Variants in SNTG1 observed in about 807,000 individuals in gnomAD.
SNTG1 encodes the protein gamma-1-syntrophin.
In SNTG1, 39 loss-of-function variants were observed where a neutral mutation model predicts 74.7. That is an observed-to-expected ratio of 0.52 (90% CI 0.40 to 0.68). The LOEUF (loss-of-function observed/expected upper bound fraction) is 0.68, where lower values mean the gene tolerates loss of function less well. Ranked by LOEUF, SNTG1 falls within the 30% of genes least tolerant of loss-of-function variation. The pLI, the probability that SNTG1 is intolerant of heterozygous loss-of-function variation, is 0.00. For synonymous variants in SNTG1, 254 were observed against 217.1 expected (o/e 1.17, Z -1.49); for missense variants, 685 against 609.5 (o/e 1.12, Z -1.30).
chr8:50,694,801 G>A (rs73569489), intron 15 of SNTG1, among the ~76,000 whole-genome samples: 4,902 of 151,316 alleles, frequency 0.032, 258 homozygotes, highest in African/African-American at 0.11. Context: ...AATGGGATAC[G>A]CCACATTAAT....
At chr8:50,188,909 T>G (rs2083472773) in intron 2 of SNTG1, among the ~76,000 whole-genome samples, 1 of 152,128 alleles carries the variant, frequency 6.6e-6, no homozygotes, top group Non-Finnish European at 1.5e-5. Context: ...TGAGGTGTAC[T>G]CTATCATGAA....
intron 1 of SNTG1, among the ~76,000 whole-genome samples, chr8:50,165,436 T>A (rs2082578353): frequency 1.3e-5 from 2 of 152,240 alleles, no homozygotes; most frequent in Admixed American, 1.3e-4. Flanking sequence ...CCAAAAATTA[T>A]TTTGTGTCCT....
intron 11 of SNTG1, among the ~76,000 whole-genome samples, chr8:50,550,268 G>C (rs925823503): frequency 6.6e-6 from 1 of 152,058 alleles, no homozygotes; most frequent in African/African-American, 2.4e-5. Context: ...TTTCCATGGG[G>C]AGCTTCCAGA....
chr8:50,498,548 CTT>C (rs2093923933), intron 8 of SNTG1, among the ~76,000 whole-genome samples: 1 of 151,824 alleles, frequency 6.6e-6, no homozygotes, highest in South Asian at 2.1e-4. Flanking sequence ...AAGTTTGTGA[CTT>C]TCTTAAAAGT....
At chr8:50,347,722 C>A (rs1462493624) in intron 2 of SNTG1, among the ~76,000 whole-genome samples, 1 of 152,138 alleles carries the variant, frequency 6.6e-6, no homozygotes, top group African/African-American at 2.4e-5. Flanking sequence ...GTGGTTGATC[C>A]ATAGTAGGTG....
chr8:50,567,945 C>A (rs1377925889), intron 12 of SNTG1, among the ~76,000 whole-genome samples: 1 of 152,022 alleles, frequency 6.6e-6, no homozygotes, highest in Non-Finnish European at 1.5e-5. Context: ...AGCACCATAT[C>A]ATTCTTCCTT....
At chr8:50,617,278 G>T (rs546868293) in intron 13 of SNTG1, among the ~76,000 whole-genome samples, 1 of 151,782 alleles carries the variant, frequency 6.6e-6, no homozygotes, top group Non-Finnish European at 1.5e-5. Flanking sequence ...ACTGTGCTTT[G>T]CATTTTTTCA....
intron 4 of SNTG1, among the ~76,000 whole-genome samples, chr8:50,419,136 T>C (rs985577895): frequency 2.0e-5 from 3 of 152,124 alleles, no homozygotes; most frequent in Non-Finnish European, 4.4e-5. Flanking sequence ...ATATCCCAGA[T>C]TGGTTACAGG....
At chr8:50,177,577 A>T (rs1040372499) in intron 2 of SNTG1, among the ~76,000 whole-genome samples, 1 of 152,226 alleles carries the variant, frequency 6.6e-6, no homozygotes, top group Admixed American at 6.5e-5. Flanking sequence ...GGTTACAGCC[A>T]GCAAAAAGCA....
At chr8:50,453,385 C>G (rs868597681) in intron 8 of SNTG1, among the ~76,000 whole-genome samples, 4 of 152,080 alleles carry the variant, frequency 2.6e-5, no homozygotes, top group Admixed American at 1.3e-4. Context: ...GGCTTCACCA[C>G]ATCACCCACT....
At chr8:50,312,499 C>A (rs2090153224) in intron 2 of SNTG1, among the ~76,000 whole-genome samples, 1 of 150,558 alleles carries the variant, frequency 6.6e-6, no homozygotes, top group Non-Finnish European at 1.5e-5. Flanking sequence ...AATTGAAAAT[C>A]CAAGCAGTAG....
intron 13 of SNTG1, among the ~76,000 whole-genome samples, chr8:50,635,813 A>G (rs1475546379): frequency 6.6e-6 from 1 of 152,100 alleles, no homozygotes; most frequent in Non-Finnish European, 1.5e-5. Flanking sequence ...AAAAGCTGTA[A>G]GACAAAGTCC....
chr8:50,013,982 C>A (rs2130603725), intron 1 of SNTG1, among the ~76,000 whole-genome samples: 1 of 152,190 alleles, frequency 6.6e-6, no homozygotes, highest in South Asian at 2.1e-4. Context: ...AACTAAATAA[C>A]CCATTTTTGA....
intron 4 of SNTG1, among the ~76,000 whole-genome samples, chr8:50,434,123 A>G (rs1181121953): frequency 1.4e-5 from 2 of 144,298 alleles, no homozygotes; most frequent in Non-Finnish European, 1.5e-5. Flanking sequence ...CCCACCTATG[A>G]GTGAGAACAT....
intron 15 of SNTG1, 88 bp downstream of exon 15, chr8:50,658,751 A>G: frequency 1.3e-6 from 1 of 794,950 alleles, no homozygotes; most frequent in Non-Finnish European, 2.0e-6. Flanking sequence ...AAAACAAATC[A>G]TTCATGGAAT....
chr8:50,165,263 T>G (rs192100588), intron 1 of SNTG1, among the ~76,000 whole-genome samples: 93 of 152,320 alleles, frequency 6.1e-4, no homozygotes, highest in Middle Eastern at 3.4e-3. Flanking sequence ...CCCATTCACC[T>G]TGCTCCAGCA....
In SNTG1 at chr8:50,259,545, A is replaced by AAAG. The variant is rs1374720678; in HGVS notation, c.-28+86913_-28+86915dup. On this transcript the variant is annotated intron_variant, in intron 2 of 18. Coordinates refer to ENST00000642720, the MANE Select transcript of SNTG1 (RefSeq NM_018967.5). ...GAAAGAAAGAAAGAAAGAAAGAAAG[A>AAAG]AAGAAAGAAAGAAAGAAAGAAAGAA... Among the ~76,000 whole-genome samples the AAAG allele has an allele frequency of 2.2e-4, 12 of 54,828 alleles. 3 individuals are homozygous for AAAG. The highest frequency in any genetic ancestry group is 6.7e-4 in the Non-Finnish European group (11 of 16,414). The allele number at this position is 54,828 out of a possible 152,430, so 36.0% of individuals were successfully genotyped here.
chr8:50,224,562 G>T (rs2132015333), intron 2 of SNTG1, among the ~76,000 whole-genome samples: 1 of 152,224 alleles, frequency 6.6e-6, no homozygotes, highest in East Asian at 1.9e-4. Flanking sequence ...TGTTTTTCCT[G>T]AATGCAGTTG....
At chr8:50,658,695 G>T (rs1429408092) in intron 15 of SNTG1, 32 bp downstream of exon 15, 1 of 1,500,264 alleles carries the variant, frequency 6.7e-7, no homozygotes, top group East Asian at 2.4e-5. Flanking sequence ...TATTTGAATG[G>T]CTTTTCCTCA....
Sources: allele counts gnomAD v4.1 joint callset (sites outside exome capture counted in the v4.1 genomes callset), GRCh38; gene constraint gnomAD v4.1.1; transcripts MANE v1.5; gene names NCBI Gene and HGNC (gene_info 2026-07-23, HGNC 2026-07-21).